PPA2: variants seen among roughly 807,000 people sequenced by gnomAD.
PPA2 encodes the protein inorganic pyrophosphatase 2.
PPA2 carries 48 observed loss-of-function variants against 49.5 expected under a neutral mutation model. The observed-to-expected ratio is 0.97, with a 90% confidence interval of 0.77 to 1.23. The LOEUF is 1.23. Among genes scored for constraint, PPA2 ranks in the 50% most tolerant of loss-of-function variants. PPA2 has a pLI of 0.00. For synonymous variants in PPA2, 131 were observed against 139.9 expected (o/e 0.94, Z 0.45); for missense variants, 429 against 410.1 (o/e 1.05, Z -0.40).
intron 1 of PPA2, among the ~76,000 whole-genome samples, chr4:105,460,603 T>C (rs1723043763): frequency 6.6e-6 from 1 of 152,184 alleles, no homozygotes; most frequent in South Asian, 2.1e-4. Flanking sequence ...CTTTAACAGA[T>C]TACTTCAACG....
intron 7 of PPA2, among the ~76,000 whole-genome samples, chr4:105,422,298 G>A (rs1723286580): frequency 6.6e-6 from 1 of 152,052 alleles, no homozygotes; most frequent in Non-Finnish European, 1.5e-5. Flanking sequence ...ATAACATCTT[G>A]TTTTAACTAC....
chr4:105,473,353 T>C, intron 1 of PPA2: 1 of 306,850 alleles, frequency 3.3e-6, no homozygotes, highest in Non-Finnish European at 6.4e-6. Context: ...GTCAAGCTTC[T>C]GGGGAAAGAA....
intron 9 of PPA2, among the ~76,000 whole-genome samples, chr4:105,392,801 T>G (rs970599755): frequency 2.6e-5 from 4 of 152,204 alleles, no homozygotes; most frequent in African/African-American, 9.7e-5. Context: ...TCTTTATTCA[T>G]CTGCTCTTGA....
chr4:105,406,234 T>G (rs1439226403), intron 7 of PPA2, among the ~76,000 whole-genome samples: 1 of 148,086 alleles, frequency 6.8e-6, no homozygotes, highest in Non-Finnish European at 1.5e-5. Flanking sequence ...AAGTAGAAGA[T>G]AGATTAACAG....
At chr4:105,453,667 A>T in intron 2 of PPA2, 25 bp from the exon 3 acceptor site, 2 of 1,583,392 alleles carry the variant, frequency 1.3e-6, no homozygotes, top group Non-Finnish European at 1.7e-6. Flanking sequence ...ATGGTGAAAG[A>T]CTGCAATATT....
chr4:105,430,059 T>C (rs1420397626), intron 6 of PPA2, among the ~76,000 whole-genome samples: 1 of 152,232 alleles, frequency 6.6e-6, no homozygotes, highest in East Asian at 1.9e-4. Flanking sequence ...TTTAGTTGGC[T>C]ATAGATTTTC....
chr4:105,423,524 A>C (rs1723346002), intron 7 of PPA2: 1 of 152,206 alleles, frequency 6.6e-6, no homozygotes, highest in African/African-American at 2.4e-5. Context: ...CTTTACAAGT[A>C]GGTATAATCA....
chr4:105,386,149 G>A (rs1733672248), intron 10 of PPA2, among the ~76,000 whole-genome samples: 1 of 152,034 alleles, frequency 6.6e-6, no homozygotes, highest in African/African-American at 2.4e-5. Context: ...CCAAAATGCT[G>A]GGATTACGGG....
intron 11 of PPA2, 64 bp downstream of exon 11, chr4:105,370,773 C>T: frequency 7.6e-7 from 1 of 1,309,304 alleles, no homozygotes; most frequent in Non-Finnish European, 9.9e-7. Context: ...TAGTTTTTGG[C>T]TTCCACTACT....
intron 5 of PPA2, among the ~76,000 whole-genome samples, chr4:105,442,067 T>C (rs1010569384): frequency 1.3e-5 from 2 of 151,628 alleles, no homozygotes; most frequent in African/African-American, 2.4e-5. Flanking sequence ...AACAGTGGTG[T>C]GACCATAGCT....
intron 9 of PPA2, among the ~76,000 whole-genome samples, chr4:105,393,907 G>T (rs1734028500): frequency 2.0e-5 from 3 of 152,086 alleles, no homozygotes; most frequent in Admixed American, 2.0e-4. Context: ...TTATGATAAA[G>T]AGAAAAATGG....
chr4:105,448,171 C>G, intron 4 of PPA2: 1 of 297,464 alleles, frequency 3.4e-6, no homozygotes, highest in South Asian at 2.9e-5. Context: ...TCTCATAGAT[C>G]CTTGCATCCT....
At chr4:105,392,635 T>C (rs2110385237) in intron 9 of PPA2, among the ~76,000 whole-genome samples, 1 of 150,768 alleles carries the variant, frequency 6.6e-6, no homozygotes, top group East Asian at 2.0e-4. Flanking sequence ...ATTGCATCAC[T>C]GCACTCCAGC....
At chr4:105,392,269 A>C (rs1021211801) in intron 9 of PPA2, among the ~76,000 whole-genome samples, 2 of 152,042 alleles carry the variant, frequency 1.3e-5, no homozygotes, top group African/African-American at 4.8e-5. Flanking sequence ...ATAAACAACA[A>C]CAACAAAAAA....
At chr4:105,469,586 T>C (rs1723441524) in intron 1 of PPA2, among the ~76,000 whole-genome samples, 1 of 152,234 alleles carries the variant, frequency 6.6e-6, no homozygotes, top group Non-Finnish European at 1.5e-5. Flanking sequence ...AACTTTGTTT[T>C]ATTTTCTGAT....
chr4:105,444,492 G>A (rs1451314783), intron 5 of PPA2, among the ~76,000 whole-genome samples: 1 of 152,136 alleles, frequency 6.6e-6, no homozygotes, highest in Non-Finnish European at 1.5e-5. Flanking sequence ...AATGAATTAA[G>A]GGACTACCAC....
At chr4:105,396,463 G>T (rs1373186722) in intron 8 of PPA2, 129 bp from the exon 9 acceptor site, 3 of 593,936 alleles carry the variant, frequency 5.1e-6, no homozygotes, top group Non-Finnish European at 8.3e-6. Context: ...GCAAAGCTTG[G>T]TATAAATTCT....
chr4:105,390,082 T>C (rs549859330), intron 9 of PPA2, among the ~76,000 whole-genome samples: 2 of 152,288 alleles, frequency 1.3e-5, no homozygotes, highest in East Asian at 1.9e-4. Context: ...ATTTTATAAA[T>C]GGTGCTGGGA....
chr4:105,392,322 G>T (rs1317524502), intron 9 of PPA2, among the ~76,000 whole-genome samples: 1 of 151,760 alleles, frequency 6.6e-6, no homozygotes, highest in Admixed American at 6.6e-5. Flanking sequence ...TCAATGAAAA[G>T]AACTTAATAA....
Sources: gnomAD v4.1 joint callset for allele counts (sites outside exome capture counted in the v4.1 genomes callset) on GRCh38, gnomAD v4.1.1 for gene constraint, MANE v1.5 for transcripts, NCBI Gene and HGNC (gene_info 2026-07-23, HGNC 2026-07-21) for gene names.